The following NSD2 variants were observed in gnomAD, a reference collection of about 807,000 sequenced individuals.
NSD2 encodes the protein nuclear receptor binding SET domain protein 2, also known as histone-lysine N-methyltransferase NSD2.
A neutral mutation model predicts 139.0 loss-of-function variants in NSD2; 12 were observed. That is an observed-to-expected ratio of 0.09 (90% confidence interval 0.06 to 0.14). The LOEUF (loss-of-function observed/expected upper bound fraction) is 0.14. Among genes scored for constraint, NSD2 ranks in the 10% least tolerant of loss-of-function variants. NSD2 has a pLI of 1.00. For synonymous variants in NSD2, 669 were observed against 648.7 expected, an observed-to-expected ratio of 1.03 and a Z score of -0.48; for missense variants, 1,155 against 1,745.0, an observed-to-expected ratio of 0.66 and a Z score of 6.02.
chr4:1,916,593 C>T (rs1577430444), intron 3 of NSD2, among the ~76,000 whole-genome samples: 1 of 152,342 alleles, frequency 6.6e-6, no homozygotes, highest in East Asian at 1.9e-4. Flanking sequence ...CTCCCTGCCT[C>T]GGCCTCCCAA....
At chr4:1,953,040 GCTT>G in intron 11 of NSD2, 8 of 1,445,632 alleles carry the variant, frequency 5.5e-6, no homozygotes, top group Non-Finnish European at 6.3e-6. Flanking sequence ...CTTCTTTCAA[GCTT>G]CTTGCCAGTT....
chr4:1,919,167 C>CAA lies in NSD2; in HGVS notation c.1410+564_1410+565dup, dbSNP rs1176192458. 1.4e-3 allele frequency: 90 copies of CAA among 62,858 alleles called. 1 individual carries two copies. The highest frequency in any genetic ancestry group is 2.7e-3 in the African/African-American group (57 of 20,972). 3.9% of individuals were successfully genotyped at this position (62,858 alleles called of 1,614,324 possible). ...GTGACAGCAGAGCGAGACTGTGTCTCAAAAAAAAAAAAAAAAAAAAACTAG... is the reference window on the plus strand; with the variant it reads ...GTGACAGCAGAGCGAGACTGTGTCTCAAAAAAAAAAAAAAAAAAAAAAACTAG... On this transcript the variant is annotated intron_variant, in intron 5 of 21. Coordinates refer to ENST00000508803, the MANE Select transcript of NSD2 (RefSeq NM_001042424.3).
intron 9 of NSD2, chr4:1,941,892 A>G: frequency 9.4e-7 from 1 of 1,064,514 alleles, no homozygotes; most frequent in Non-Finnish European, 1.1e-6. Context: ...CTGTTAGCAT[A>G]TGAGGCAAAG....
chr4:1,900,499 TA>T, intron 1 of NSD2, 126 bp from the exon 2 acceptor site: 1 of 567,410 alleles, frequency 1.8e-6, no homozygotes, highest in Non-Finnish European at 2.9e-6. Flanking sequence ...TGAATTATTA[TA>T]AAAACATCAT....
At chr4:1,936,225 G>A (rs981817204) in intron 7 of NSD2, among the ~76,000 whole-genome samples, 2 of 152,218 alleles carry the variant, frequency 1.3e-5, no homozygotes, top group Non-Finnish European at 1.5e-5. Context: ...TCTGTCTAGC[G>A]TATGGTGCCC....
chr4:1,916,925 A>C lies in NSD2; in HGVS notation c.815A>C (p.Glu272Ala). ...GTACAGTTCTTTGGTGACGCCCCAG[A>C]AAGAGCTTGGATATTTGAGAAGAGC... is the stretch of plus-strand genomic sequence containing the variant. The part of the protein sequence containing the change: ...YHVQFFGDAP[E>A]RAWIFEKSLV... The change falls in exon 4 of 22, where the codon GAA (glutamate) becomes GCA (alanine). Residue 272 changes from glutamate (E) to alanine (A), a missense_variant. Glu to Ala is a moderately radical substitution (Grantham distance 107). Transcript: ENST00000508803. 1 of 1,614,160 alleles carries C rather than the reference A, an allele frequency of 6.2e-7. No individual in the cohort carries two copies. Among genetic ancestry groups the C allele is most frequent in the Non-Finnish European group, 8.5e-7 (1 of 1,180,026 alleles).
At chr4:1,953,117 C>T in intron 11 of NSD2, 1 of 1,530,832 alleles carries the variant, frequency 6.5e-7, no homozygotes, top group Non-Finnish European at 8.8e-7. Context: ...GAAGCTGGAG[C>T]TCAGATCGCA....
At chr4:1,893,825 G>A (rs1224055845) in intron 1 of NSD2, 1 of 152,248 alleles carries the variant, frequency 6.6e-6, no homozygotes, top group Non-Finnish European at 1.5e-5. Flanking sequence ...AATTGCAGGT[G>A]TGAGCCACTG....
At chr4:1,901,729 C>T (rs909910676) in intron 2 of NSD2, among the ~76,000 whole-genome samples, 1 of 152,180 alleles carries the variant, frequency 6.6e-6, no homozygotes, top group Non-Finnish European at 1.5e-5. Flanking sequence ...CTCCCGCTGT[C>T]CTTACCCTGT....
At chr4:1,876,465 A>G (rs1435548261) in intron 1 of NSD2, among the ~76,000 whole-genome samples, 2 of 152,072 alleles carry the variant, frequency 1.3e-5, no homozygotes, top group East Asian at 3.9e-4. Flanking sequence ...CTGAGGTGGG[A>G]GGATCACTTG....
intron 3 of NSD2, among the ~76,000 whole-genome samples, chr4:1,910,583 TGGAAGGGAATGTTAGGA>T (rs1718536763): frequency 6.6e-6 from 1 of 152,214 alleles, no homozygotes; most frequent in Non-Finnish European, 1.5e-5. Context: ...TTCTGTGTTA[TGGAAGGGAATGTTAGGA>T]ATTAACCCTC....
chr4:1,887,902 C>T (rs1715234533), intron 1 of NSD2, among the ~76,000 whole-genome samples: 1 of 151,540 alleles, frequency 6.6e-6, no homozygotes, highest in Non-Finnish European at 1.5e-5. Flanking sequence ...TCTGTCAGTT[C>T]CTTTTTTTCT....
rs530952292 is a variant in NSD2, at chr4:1,944,061, T to C, written c.1881+4283T>C. On this transcript the variant is annotated intron_variant, in intron 9 of 21. Coordinates refer to ENST00000508803, the MANE Select transcript of NSD2 (RefSeq NM_001042424.3). Reference sequence around the variant, plus strand: ...CCAGGGGCACATGGGGGAACGTGGATGGGAATGATAGTGTATCTCAGCGGG... The same window carrying C: ...CCAGGGGCACATGGGGGAACGTGGACGGGAATGATAGTGTATCTCAGCGGG... 3.1e-5 allele frequency: 33 copies of C among 1,064,446 alleles called. No homozygotes were observed. In the East Asian group the frequency reaches 1.6e-3, roughly 52 times the overall value. The allele number at this position is 1,064,446 out of a possible 1,614,324, so 65.9% of individuals were successfully genotyped here. A position where few individuals can be genotyped will look rare whatever the true frequency, so the allele number is the denominator to read the frequency against.
chr4:1,924,887 A>G (rs1228956223), intron 5 of NSD2, among the ~76,000 whole-genome samples: 1 of 152,184 alleles, frequency 6.6e-6, no homozygotes, highest in Non-Finnish European at 1.5e-5. Flanking sequence ...TCATTGCGCC[A>G]CTGCACTCCA....
chr4:1,959,846 T>C, intron 17 of NSD2, 106 bp downstream of exon 17: 1 of 1,478,994 alleles, frequency 6.8e-7, no homozygotes, highest in Admixed American at 2.4e-5. Flanking sequence ...GAATGGTATT[T>C]TTTGGAAAAA....
chr4:1,916,232 CCT>C (rs1446997878), intron 3 of NSD2, among the ~76,000 whole-genome samples: 1 of 152,170 alleles, frequency 6.6e-6, no homozygotes, highest in Non-Finnish European at 1.5e-5. Context: ...TCCTTCACTG[CCT>C]CTCTCACTCC....
intron 5 of NSD2, among the ~76,000 whole-genome samples, chr4:1,921,889 C>G (rs1404807527): frequency 6.6e-6 from 1 of 152,080 alleles, no homozygotes; most frequent in African/African-American, 2.4e-5. Context: ...TGGCTCACGC[C>G]TGTAATCCCA....
At chr4:1,961,374 G>C (rs190855534) in intron 18 of NSD2, among the ~76,000 whole-genome samples, 36 of 152,362 alleles carry the variant, frequency 2.4e-4, no homozygotes, top group African/African-American at 8.2e-4. Context: ...CTGAGGCTCT[G>C]CTTGTCCGGG....
chr4:1,908,940 A>G (rs1432604195), intron 3 of NSD2, among the ~76,000 whole-genome samples: 1 of 151,746 alleles, frequency 6.6e-6, no homozygotes, highest in African/African-American at 2.4e-5. Flanking sequence ...GAGCCACCAT[A>G]CCTGTCCCCA....
Sources: gnomAD v4.1 joint callset for allele counts (sites outside exome capture counted in the v4.1 genomes callset) on GRCh38, gnomAD v4.1.1 for gene constraint, MANE v1.5 for transcripts, NCBI Gene and HGNC (gene_info 2026-07-23, HGNC 2026-07-21) for gene names.